The following G3BP2 variants were observed in gnomAD, a reference collection of about 807,000 sequenced individuals.
G3BP2 encodes ras GTPase-activating protein-binding protein 2.
A neutral mutation model predicts 56.7 loss-of-function variants in G3BP2; 11 were observed. The observed-to-expected ratio is 0.19, with a 90% confidence interval of 0.12 to 0.32. The LOEUF is 0.32. Ranked by LOEUF, G3BP2 falls within the 10% of genes least tolerant of loss-of-function variation. The pLI is 1.00. For missense variants in G3BP2, 340 were observed against 610.9 expected, an observed-to-expected ratio of 0.56 and a Z score of 4.67; for synonymous variants, 165 against 191.6, an observed-to-expected ratio of 0.86 and a Z score of 1.15.
At chr4:75,648,788 G>A (rs1338128678) in intron 8 of G3BP2, 47 bp from the exon 9 acceptor site, 4 of 1,176,986 alleles carry the variant, frequency 3.4e-6, no homozygotes, top group Non-Finnish European at 5.0e-6. Flanking sequence ...CTCCACTGGA[G>A]AAAAACCAAC....
intron 1 of G3BP2, among the ~76,000 whole-genome samples, chr4:75,671,363 T>C (rs1250947604): frequency 2.0e-5 from 3 of 152,180 alleles, no homozygotes; most frequent in Non-Finnish European, 2.9e-5. Context: ...CAGCGATAAT[T>C]TTGCAGGATA....
chr4:75,645,871 C>T (rs1731177313), intron 11 of G3BP2, among the ~76,000 whole-genome samples, 169 bp from the exon 12 acceptor site: 1 of 152,078 alleles, frequency 6.6e-6, no homozygotes. Flanking sequence ...CAGCCAGTGG[C>T]ACAAGCATGG....
At chr4:75,707,009 A>G (rs1215655245) in intron 3 of G3BP2, among the ~76,000 whole-genome samples, 1 of 151,620 alleles carries the variant, frequency 6.6e-6, no homozygotes, top group Non-Finnish European at 1.5e-5. Flanking sequence ...CCTGACCAAC[A>G]TGGAGAAACC....
rs528971486 is a variant in G3BP2, at chr4:75,692,374, T to C, written c.-25+28503A>G. Among the ~76,000 whole-genome samples the C allele has an allele frequency of 9.2e-5, 14 of 152,070 alleles. 1 individual carries two copies. In the South Asian group the frequency reaches 2.9e-3, roughly 32 times the overall value. ...TTGCCCAGGCTGGAGTGCAGTGGTGTGATCTTGTCTCACTGCAACTTCCGC... is the reference window on the plus strand; with the variant it reads ...TTGCCCAGGCTGGAGTGCAGTGGTGCGATCTTGTCTCACTGCAACTTCCGC... On this transcript the variant is annotated intron_variant, in intron 3 of 3. Transcript: ENST00000499709.
intron 1 of G3BP2, among the ~76,000 whole-genome samples, chr4:75,666,653 C>T (rs373563007): frequency 1.5e-4 from 23 of 151,980 alleles, no homozygotes; most frequent in African/African-American, 3.9e-4. Flanking sequence ...ATATAAAGTT[C>T]GTATTTATAA....
intron 3 of G3BP2, among the ~76,000 whole-genome samples, chr4:75,701,460 T>C (rs577800432): frequency 5.5e-5 from 8 of 145,566 alleles, no homozygotes; most frequent in African/African-American, 2.0e-4. Flanking sequence ...GGAGTTTCGC[T>C]CTTGTTGCCC....
At chr4:75,687,739 G>A (rs772612357) in intron 3 of G3BP2, among the ~76,000 whole-genome samples, 20 of 152,176 alleles carry the variant, frequency 1.3e-4, no homozygotes, top group Non-Finnish European at 1.9e-4. Context: ...AGAGTGACCC[G>A]TATGACAGAT....
At chr4:75,691,382 T>C (rs1339066310) in intron 3 of G3BP2, among the ~76,000 whole-genome samples, 2 of 152,074 alleles carry the variant, frequency 1.3e-5, no homozygotes, top group African/African-American at 2.4e-5. Flanking sequence ...CCTTCATTTA[T>C]TCATTTTTTA....
chr4:75,690,702 C>T (rs1718820069), intron 3 of G3BP2, among the ~76,000 whole-genome samples: 1 of 151,904 alleles, frequency 6.6e-6, no homozygotes, highest in African/African-American at 2.4e-5. Context: ...CTCTCGAGTA[C>T]CTGGGACCAC....
At chr4:75,677,168 A>G (rs1393512223), upstream of G3BP2, among the ~76,000 whole-genome samples, 1 of 152,246 alleles carries the variant, frequency 6.6e-6, no homozygotes, top group Non-Finnish European at 1.5e-5. Context: ...TTGAATTTAT[A>G]AAGCTTTTCC....
At chr4:75,651,612 T>G (rs1026270443) in intron 8 of G3BP2, among the ~76,000 whole-genome samples, 3 of 152,218 alleles carry the variant, frequency 2.0e-5, no homozygotes, top group African/African-American at 7.2e-5. Flanking sequence ...TACTTATAAT[T>G]CTTCAGGTCT....
At chr4:75,664,861 C>CA (rs1394326333) in intron 1 of G3BP2, among the ~76,000 whole-genome samples, 2 of 151,626 alleles carry the variant, frequency 1.3e-5, no homozygotes, top group African/African-American at 2.4e-5. Flanking sequence ...AACAAACAGA[C>CA]AAAAAAACAC....
chr4:75,695,183 G>A (rs72649445), intron 3 of G3BP2, among the ~76,000 whole-genome samples: 5,707 of 152,286 alleles, frequency 0.037, 166 homozygotes, highest in Non-Finnish European at 0.056. Context: ...GGAGAGTGAA[G>A]TTACTGGGCA....
rs759024703 is a variant in G3BP2, at chr4:75,661,900, A to G, written c.95+31T>C. 8.4e-6 allele frequency: 10 copies of G among 1,189,382 alleles called. No homozygotes were observed. In the African/African-American group the frequency reaches 1.5e-4, roughly 18 times the overall value. The allele number at this position is 1,189,382 out of a possible 1,614,324, so 73.7% of individuals were successfully genotyped here. ...GTCATACCCAAGAAAAAAAGTAGATAAAAATACCAAATTATTTGTTTAAAA... is the reference window on the plus strand; with the variant it reads ...GTCATACCCAAGAAAAAAAGTAGATGAAAATACCAAATTATTTGTTTAAAA... On this transcript the variant is annotated intron_variant, in intron 2 of 11. Transcript: ENST00000359707.
At chr4:75,698,447 A>G (rs988060011) in intron 3 of G3BP2, among the ~76,000 whole-genome samples, 2 of 152,160 alleles carry the variant, frequency 1.3e-5, no homozygotes, top group African/African-American at 4.8e-5. Flanking sequence ...CTATGCCCGG[A>G]AAACACTCAA....
At chr4:75,668,298 C>G (rs1733218513) in intron 1 of G3BP2, among the ~76,000 whole-genome samples, 1 of 152,190 alleles carries the variant, frequency 6.6e-6, no homozygotes, top group Non-Finnish European at 1.5e-5. Flanking sequence ...CTCCTTTCCT[C>G]AAACTTTGAC....
chr4:75,670,358 A>G (rs1275752949), intron 1 of G3BP2: 1 of 152,252 alleles, frequency 6.6e-6, no homozygotes, highest in Non-Finnish European at 1.5e-5. Flanking sequence ...AAGGAACACT[A>G]TACCTTTTTA....
intron 3 of G3BP2, among the ~76,000 whole-genome samples, chr4:75,709,270 A>G (rs894155659): frequency 4.6e-5 from 7 of 151,922 alleles, no homozygotes; most frequent in African/African-American, 9.7e-5. Flanking sequence ...AAATACAAAA[A>G]TTAGCCAGGT....
chr4:75,673,050 A>G (rs1733624040), intron 1 of G3BP2, 158 bp downstream of exon 1: 8 of 997,752 alleles, frequency 8.0e-6, no homozygotes, highest in Non-Finnish European at 9.5e-6. Flanking sequence ...TCTCACGCAC[A>G]CACGGCACCG....
Sources: allele counts gnomAD v4.1 joint callset (sites outside exome capture counted in the v4.1 genomes callset), GRCh38; gene constraint gnomAD v4.1.1; transcripts MANE v1.5; gene names NCBI Gene and HGNC (gene_info 2026-07-23, HGNC 2026-07-21).